ARHGAP24: variants seen among roughly 807,000 people sequenced by gnomAD.
ARHGAP24 encodes Rho GTPase activating protein 24, also known as rho GTPase-activating protein 24.
ARHGAP24 carries 50 observed loss-of-function variants against 76.4 expected under a neutral mutation model. The observed-to-expected ratio is 0.65, with a 90% CI of 0.52 to 0.83. The LOEUF is 0.83. Ranked by LOEUF, ARHGAP24 falls within the 40% of genes least tolerant of loss-of-function variation. The pLI, the probability that ARHGAP24 is intolerant of heterozygous loss-of-function variation, is 0.00. For synonymous variants in ARHGAP24, 345 were observed against 323.3 expected, an observed-to-expected ratio of 1.07 and a Z score of -0.72; for missense variants, 930 against 914.2, an observed-to-expected ratio of 1.02 and a Z score of -0.22.
At chr4:85,609,750 T>C (rs1303382470) in intron 2 of ARHGAP24, among the ~76,000 whole-genome samples, 1 of 152,232 alleles carries the variant, frequency 6.6e-6, no homozygotes, top group Non-Finnish European at 1.5e-5. Context: ...GATGTCTTAA[T>C]GGATATATAC....
At chr4:85,540,520 G>A (rs1053593406) in intron 1 of ARHGAP24, among the ~76,000 whole-genome samples, 6 of 152,150 alleles carry the variant, frequency 3.9e-5, no homozygotes, top group African/African-American at 9.7e-5. Context: ...TTTTATTGGA[G>A]CATAGTTTAC....
At chr4:85,789,787 G>A (rs894167420) in intron 3 of ARHGAP24, among the ~76,000 whole-genome samples, 1 of 152,150 alleles carries the variant, frequency 6.6e-6, no homozygotes, top group African/African-American at 2.4e-5. Flanking sequence ...CCTTCTCCTC[G>A]AGAGACAATG....
rs555880515 is a variant in ARHGAP24 at position 85,858,224 on chromosome 4, C to T, written c.269-65424C>T. Among the ~76,000 whole-genome samples, 9 of 152,238 alleles carry T rather than the reference C, an allele frequency of 5.9e-5. No individual in the cohort carries two copies. In the South Asian group the frequency reaches 8.3e-4, roughly 14 times the overall value. On this transcript the variant is annotated intron_variant, in intron 3 of 9. Coordinates refer to ENST00000395184, the MANE Select transcript of ARHGAP24 (RefSeq NM_001025616.3). ...AAGCTTAGAGGTGTGAGAGAAACAA[C>T]TCTAACATTTGTGAAACAAACAAAG...
At chr4:85,715,171 TTTA>T (rs1312524609) in intron 2 of ARHGAP24, among the ~76,000 whole-genome samples, 2 of 152,072 alleles carry the variant, frequency 1.3e-5, no homozygotes, top group Non-Finnish European at 2.9e-5. Flanking sequence ...CGCTATGGTA[TTTA>T]TTATTAGATT....
chr4:85,574,220 A>T (rs1285399321), intron 2 of ARHGAP24, among the ~76,000 whole-genome samples: 2 of 152,196 alleles, frequency 1.3e-5, no homozygotes. Flanking sequence ...GTTTTACTCA[A>T]TAAAAAGAGT....
chr4:85,633,287 CAT>C (rs932620506), intron 2 of ARHGAP24, among the ~76,000 whole-genome samples: 11 of 151,952 alleles, frequency 7.2e-5, no homozygotes, highest in East Asian at 1.9e-4. Context: ...ATGGGGATGA[CAT>C]GTGTTTTGTA....
chr4:85,794,139 ATCT>A (rs1420335944), intron 3 of ARHGAP24, among the ~76,000 whole-genome samples: 2 of 152,208 alleles, frequency 1.3e-5, no homozygotes, highest in African/African-American at 4.8e-5. Flanking sequence ...TTTGTACTAT[ATCT>A]TTATTTTTAA....
At chr4:85,762,014 A>G (rs537018245) in intron 3 of ARHGAP24, among the ~76,000 whole-genome samples, 1 of 152,326 alleles carries the variant, frequency 6.6e-6, no homozygotes, top group Admixed American at 6.5e-5. Context: ...TGACTTTTTA[A>G]GAACTCAGCC....
chr4:85,831,577 A>ATG (rs1443214795), intron 3 of ARHGAP24, among the ~76,000 whole-genome samples: 1 of 152,140 alleles, frequency 6.6e-6, no homozygotes. Flanking sequence ...GAACACACCA[A>ATG]TGTGTTCAGA....
chr4:85,783,115 A>G (rs1187155992), intron 3 of ARHGAP24, among the ~76,000 whole-genome samples: 3 of 152,192 alleles, frequency 2.0e-5, no homozygotes, highest in Non-Finnish European at 4.4e-5. Context: ...AGCATCGGGT[A>G]TCTACAGTCA....
chr4:85,876,857 A>G (rs772349926), intron 3 of ARHGAP24, among the ~76,000 whole-genome samples: 4 of 152,128 alleles, frequency 2.6e-5, no homozygotes, highest in Non-Finnish European at 2.9e-5. Flanking sequence ...GGTTTATAGA[A>G]GTTCTTCTGG....
rs144785317 is a variant in ARHGAP24, at chr4:85,721,904, G to A, written c.200G>A (p.Gly67Glu). 1,552 of 1,613,290 alleles carry A rather than the reference G, an allele frequency of 9.6e-4. 1 individual carries two copies. The highest frequency in any genetic ancestry group is 1.3e-3 in the Non-Finnish European group (1,486 of 1,179,610). The stretch of plus-strand genomic sequence containing the variant: ...TCACAGGGTACTATTTTTCTGCCTG[G>A]AAATAAAGTTTCTGAGCATCCCTGC... ...TKPLGTIFLPGNKVSEHPCNE... is the reference protein window; with the variant it reads ...TKPLGTIFLPENKVSEHPCNE... Residue 67 changes from glycine to glutamate, a missense_variant, in exon 3 of 10, where the codon GGA becomes GAA. Coordinates refer to ENST00000395184, the MANE Select transcript of ARHGAP24 (RefSeq NM_001025616.3).
chr4:85,530,147 T>C lies in ARHGAP24; in HGVS notation c.-20-40375T>C, dbSNP rs1725200148. Among the ~76,000 whole-genome samples the C allele has an allele frequency of 2.6e-5, 4 of 151,758 alleles. No homozygotes were observed. In the South Asian group the frequency reaches 8.3e-4, roughly 31 times the overall value. On this transcript the variant is annotated intron_variant, in intron 1 of 9. Coordinates refer to ENST00000395184, the MANE Select transcript of ARHGAP24 (RefSeq NM_001025616.3). The stretch of plus-strand genomic sequence containing the variant: ...GAAGTCCCATATACTCCTCCAAATC[T>C]AGTCAACAAGTAAATATTTTCAAGC...
At chr4:85,534,927 T>TA (rs200978740) in intron 1 of ARHGAP24, among the ~76,000 whole-genome samples, 7,242 of 99,806 alleles carry the variant, frequency 0.073, 208 homozygotes, top group Non-Finnish European at 0.087. Context: ...ATATTTACAG[T>TA]AAAAAAAAAA....
intron 1 of ARHGAP24, among the ~76,000 whole-genome samples, chr4:85,500,758 G>T (rs1418919682): frequency 6.6e-6 from 1 of 152,088 alleles, no homozygotes; most frequent in Non-Finnish European, 1.5e-5. Flanking sequence ...GGGTACATGT[G>T]CACAACGGGG....
At chr4:85,951,260 A>C (rs1161086527) in intron 5 of ARHGAP24, among the ~76,000 whole-genome samples, 3 of 152,146 alleles carry the variant, frequency 2.0e-5, no homozygotes, top group African/African-American at 7.2e-5. Context: ...TGAGATACAC[A>C]GGGAGGGGAA....
At chr4:85,935,996 G>A (rs1409794066) in intron 4 of ARHGAP24, among the ~76,000 whole-genome samples, 1 of 152,192 alleles carries the variant, frequency 6.6e-6, no homozygotes, top group African/African-American at 2.4e-5. Context: ...TTGTGATAGA[G>A]TGAAATAAGC....
chr4:85,578,468 T>C (rs527736642), intron 2 of ARHGAP24, among the ~76,000 whole-genome samples: 1 of 152,344 alleles, frequency 6.6e-6, no homozygotes, highest in South Asian at 2.1e-4. Flanking sequence ...TTCTCCAGAA[T>C]TGATTTGTCC....
At chr4:85,579,816 A>G (rs1274790669) in intron 2 of ARHGAP24, among the ~76,000 whole-genome samples, 3 of 152,086 alleles carry the variant, frequency 2.0e-5, no homozygotes, top group African/African-American at 7.2e-5. Flanking sequence ...AAAATATTCC[A>G]TTGTATTAAT....
Sources: gnomAD v4.1 joint callset for allele counts (sites outside exome capture counted in the v4.1 genomes callset) on GRCh38, gnomAD v4.1.1 for gene constraint, MANE v1.5 for transcripts, NCBI Gene and HGNC (gene_info 2026-07-23, HGNC 2026-07-21) for gene names.